SOX5: variants seen among roughly 807,000 people sequenced by gnomAD.
The protein encoded by SOX5 is SRY-box transcription factor 5.
A neutral mutation model predicts 92.0 loss-of-function variants in SOX5; 9 were observed. The observed-to-expected ratio is 0.10, with a 90% CI of 0.06 to 0.17. The LOEUF (loss-of-function observed/expected upper bound fraction) is 0.17. Among genes scored for constraint, SOX5 ranks in the 10% least tolerant of loss-of-function variants. The pLI is 1.00. For missense variants in SOX5, 642 were observed against 944.5 expected, an observed-to-expected ratio of 0.68 and a Z score of 4.20; for synonymous variants, 344 against 336.3, an observed-to-expected ratio of 1.02 and a Z score of -0.25.
chr12:24,190,778 A>C (rs1205885664), intron 4 of SOX5, among the ~76,000 whole-genome samples: 1 of 152,230 alleles, frequency 6.6e-6, no homozygotes, highest in Non-Finnish European at 1.5e-5. Flanking sequence ...CATCAATTTA[A>C]GATGCATCCC....
chr12:23,627,061 T>C (rs2077922330), intron 8 of SOX5, among the ~76,000 whole-genome samples: 2 of 152,162 alleles, frequency 1.3e-5, no homozygotes, highest in South Asian at 4.1e-4. Context: ...TATAATGCCC[T>C]AATTATTCAT....
chr12:23,799,780 G>A (rs1381654041), intron 3 of SOX5, among the ~76,000 whole-genome samples: 2 of 151,752 alleles, frequency 1.3e-5, no homozygotes, highest in East Asian at 3.9e-4. Flanking sequence ...GTGTCCTAGA[G>A]GCAAGATTAA....
chr12:24,269,688 C>CTTTTTTTTTTTTTTTTTTT (rs58098308), intron 3 of SOX5, among the ~76,000 whole-genome samples: 1 of 116,756 alleles, frequency 8.6e-6, no homozygotes, highest in Non-Finnish European at 1.7e-5. Flanking sequence ...TATTTTTATT[C>CTTTTTTTTTTTTTTTTTTT]TTTTTTTTTT....
rs2076100529 is a variant in SOX5, at chr12:23,612,628, T to C, written c.1018-8095A>G. ...AACAATTAACATATATGCAATGTGT[T>C]AAATATTTGGAATAGAGATTTTAAA... On this transcript the variant is annotated intron_variant, in intron 8 of 14. Transcript: ENST00000451604. Among the ~76,000 whole-genome samples the C allele has an allele frequency of 2.6e-5, 4 of 152,300 alleles. No homozygotes were observed. In the South Asian group the frequency reaches 8.3e-4, roughly 32 times the overall value.
At chr12:24,184,192 C>T (rs1955797744) in intron 4 of SOX5, among the ~76,000 whole-genome samples, 7 of 151,998 alleles carry the variant, frequency 4.6e-5, no homozygotes, top group Admixed American at 4.6e-4. Flanking sequence ...TCATTGACAA[C>T]CAGAAAGAAA....
Position 23,532,206 on chromosome 12 carries a change from A to AAAAAC in SOX5, c.*2008_*2012dup, listed in dbSNP as rs923285444. On this transcript the variant is annotated 3_prime_UTR_variant, in exon 15 of 15. Transcript: ENST00000451604. ...AAAGTCATCAAAAACAAACAAACAG[A>AAAAAC]AAAACAAACAAAATGAAATCTCTGA... 6.6e-6 allele frequency: 1 copy of AAAAAC among 152,028 alleles called. No homozygotes were observed. Among genetic ancestry groups the AAAAAC allele is most frequent in the African/African-American group, 2.4e-5 (1 of 41,404 alleles). 9.4% of individuals were successfully genotyped at this position (152,028 alleles called of 1,614,324 possible).
chr12:23,765,385 CAAAAAAAAAA>C (rs373571301), intron 3 of SOX5, among the ~76,000 whole-genome samples: 4 of 31,432 alleles, frequency 1.3e-4, no homozygotes, highest in African/African-American at 4.4e-4. Flanking sequence ...TGTAAAACAG[CAAAAAAAAAA>C]AAAAAAAAAA....
At chr12:24,547,178 ATTTTT>A (rs575562827) in intron 1 of SOX5, among the ~76,000 whole-genome samples, 1 of 99,762 alleles carries the variant, frequency 1.0e-5, no homozygotes. Context: ...GATATCTAAC[ATTTTT>A]TTTTTTTTTT....
At position 24,206,486 on chromosome 12, in the gene SOX5, T is replaced by C. The variant is rs80195020; in HGVS notation, c.-2+6857A>G. Among the ~76,000 whole-genome samples, 1,118 of 152,278 alleles carry C rather than the reference T, an allele frequency of 7.3e-3. 31 individuals carry two copies. In the East Asian group the frequency reaches 0.081, roughly 11 times the overall value. ...TCAACACTTTACTTGCTAATGATACTAGTGACAGCATTTCAGTATGATGGG... is the reference window on the plus strand; with the variant it reads ...TCAACACTTTACTTGCTAATGATACCAGTGACAGCATTTCAGTATGATGGG... On this transcript the variant is annotated intron_variant, in intron 4 of 4. Coordinates refer to the SOX5 transcript ENST00000446891.
intron 1 of SOX5, among the ~76,000 whole-genome samples, chr12:24,410,912 C>T (rs1234858331): frequency 6.6e-6 from 1 of 152,114 alleles, no homozygotes; most frequent in Non-Finnish European, 1.5e-5. Flanking sequence ...GGAGAACTGC[C>T]ATCTTTGCCA....
At chr12:24,262,935 T>G (rs1942379543) in intron 3 of SOX5, among the ~76,000 whole-genome samples, 2 of 152,132 alleles carry the variant, frequency 1.3e-5, no homozygotes, top group Non-Finnish European at 2.9e-5. Flanking sequence ...ATAAGGAAAT[T>G]ACTGGGCTGC....
chr12:23,979,690 A>G (rs1161565610), intron 4 of SOX5, among the ~76,000 whole-genome samples: 7 of 78,322 alleles, frequency 8.9e-5, no homozygotes, highest in African/African-American at 3.1e-4. Flanking sequence ...TTCCATATAT[A>G]TATATATGTT....
intron 9 of SOX5, among the ~76,000 whole-genome samples, chr12:23,589,060 C>A (rs1406204911): frequency 6.6e-6 from 1 of 151,536 alleles, no homozygotes; most frequent in Non-Finnish European, 1.5e-5. Context: ...ATGAAATCAC[C>A]AATGATAGGA....
chr12:24,197,490 A>G (rs1957116652), intron 4 of SOX5, among the ~76,000 whole-genome samples: 1 of 152,164 alleles, frequency 6.6e-6, no homozygotes. Context: ...GAGAACACTA[A>G]CTGGCTACCC....
In SOX5 at chr12:23,902,076, T is replaced by C. The variant is rs565449091; in HGVS notation, c.39-6052A>G. ...TAAGTAAAAGATTATAAGAGTTAAGTAAGTTTACCAATAAGCACTACATAG... is the reference window on the plus strand; with the variant it reads ...TAAGTAAAAGATTATAAGAGTTAAGCAAGTTTACCAATAAGCACTACATAG... On this transcript the variant is annotated intron_variant, in intron 1 of 14. Coordinates refer to ENST00000451604, the MANE Select transcript of SOX5 (RefSeq NM_006940.6). Among the ~76,000 whole-genome samples, 10 of 152,300 alleles carry C rather than the reference T, an allele frequency of 6.6e-5. No individual in the cohort carries two copies. The South Asian group carries it at 1.9e-3, about 28-fold the overall frequency.
intron 1 of SOX5, among the ~76,000 whole-genome samples, chr12:24,545,182 G>T (rs1952504739): frequency 6.6e-6 from 1 of 152,116 alleles, no homozygotes; most frequent in South Asian, 2.1e-4. Context: ...ACCACCATAT[G>T]TGTAGGTCCA....
At chr12:24,023,473 G>T (rs1486091239) in intron 4 of SOX5, among the ~76,000 whole-genome samples, 1 of 152,118 alleles carries the variant, frequency 6.6e-6, no homozygotes, top group East Asian at 1.9e-4. Context: ...TACAGTGTCT[G>T]ATTGGAGAAG....
At chr12:24,524,376 T>TATCTATC (rs1555335445) in intron 1 of SOX5, among the ~76,000 whole-genome samples, 2 of 146,036 alleles carry the variant, frequency 1.4e-5, no homozygotes, top group South Asian at 4.3e-4. Flanking sequence ...TCTATCTATC[T>TATCTATC]ATCTATCTAT....
intron 1 of SOX5, among the ~76,000 whole-genome samples, chr12:23,896,401 C>T (rs904431704): frequency 6.6e-6 from 1 of 152,102 alleles, no homozygotes; most frequent in African/African-American, 2.4e-5. Context: ...ATAGCAAATA[C>T]TGTTGGCAGT....
Sources: gnomAD v4.1 joint callset for allele counts (sites outside exome capture counted in the v4.1 genomes callset) on GRCh38, gnomAD v4.1.1 for gene constraint, MANE v1.5 for transcripts, NCBI Gene and HGNC (gene_info 2026-07-23, HGNC 2026-07-21) for gene names.